ADAMTSL1: variants seen among roughly 807,000 people sequenced by gnomAD.
ADAMTSL1 encodes the protein ADAMTS like 1.
A neutral mutation model predicts 201.8 loss-of-function variants in ADAMTSL1; 126 were observed. The observed-to-expected ratio is 0.62, with a 90% CI of 0.54 to 0.72. ADAMTSL1 has a LOEUF of 0.72. ADAMTSL1 is among the 30% of genes least tolerant of loss of function. The probability of loss-of-function intolerance (pLI) is 0.00; values close to 1 mark genes in which losing one functional copy is unlikely to be tolerated. For missense variants in ADAMTSL1, 2,679 were observed against 2,277.8 expected (o/e 1.18, Z -3.59); for synonymous variants, 1,121 against 903.4 (o/e 1.24, Z -4.32).
intron 20 of ADAMTSL1, among the ~76,000 whole-genome samples, chr9:18,801,932 A>C (rs1245411976): frequency 6.6e-6 from 1 of 152,184 alleles, no homozygotes. Flanking sequence ...CATAATTAAC[A>C]TACCATAAAA....
intron 2 of ADAMTSL1, among the ~76,000 whole-genome samples, chr9:18,317,149 TCTTA>T (rs1314580555): frequency 2.6e-5 from 4 of 152,096 alleles, no homozygotes; most frequent in African/African-American, 9.7e-5. Context: ...TACCGTATGA[TCTTA>T]CTTATATGTG....
At chr9:18,060,637 C>A (rs1822406742) in intron 1 of ADAMTSL1, among the ~76,000 whole-genome samples, 1 of 152,138 alleles carries the variant, frequency 6.6e-6, no homozygotes, top group Non-Finnish European at 1.5e-5. Flanking sequence ...AAACAATAAA[C>A]ACTTTTATTT....
rs1464611807 is a variant in ADAMTSL1 at position 18,753,397 on chromosome 9, T to C, written c.2106T>C (p.Asn702=). 3.7e-6 allele frequency: 6 copies of C among 1,613,022 alleles called. 1 individual carries two copies. The South Asian group carries it at 4.4e-5, about 12-fold the overall frequency. The stretch of plus-strand genomic sequence containing the variant: ...GCCACCTGCTTTCCAGAGAGATGAA[T>C]GAAACAGTCATCCTGGCTGATGAGC... The part of the protein sequence containing the change: ...FCSHLLSREM[N]ETVILADELC... The change falls in exon 16 of 29, where the codon AAT becomes AAC. Residue 702 remains asparagine, a synonymous_variant. Coordinates refer to ENST00000380548, the MANE Select transcript of ADAMTSL1 (RefSeq NM_001040272.6).
intron 9 of ADAMTSL1, among the ~76,000 whole-genome samples, chr9:18,672,450 A>G (rs1156901022): frequency 1.3e-5 from 2 of 152,222 alleles, no homozygotes; most frequent in African/African-American, 4.8e-5. Context: ...AGCAAAAAGT[A>G]CTCATAATCC....
chr9:18,826,062 A>T, intron 21 of ADAMTSL1: 1 of 616,596 alleles, frequency 1.6e-6, no homozygotes, highest in Non-Finnish European at 2.9e-6. Flanking sequence ...TGAGATGTTT[A>T]TCTTGTATCA....
At chr9:17,931,839 G>A (rs974117386) in intron 1 of ADAMTSL1, among the ~76,000 whole-genome samples, 2 of 152,112 alleles carry the variant, frequency 1.3e-5, no homozygotes, top group African/African-American at 4.8e-5. Context: ...AGACAATGAT[G>A]GAGCTCCCAA....
chr9:18,599,587 A>G (rs1434946398), intron 4 of ADAMTSL1, among the ~76,000 whole-genome samples: 1 of 152,108 alleles, frequency 6.6e-6, no homozygotes, highest in Non-Finnish European at 1.5e-5. Flanking sequence ...TTTTCCCAGT[A>G]GTAGTCTCCA....
At chr9:18,766,061 A>T (rs1168505722) in intron 16 of ADAMTSL1, among the ~76,000 whole-genome samples, 1 of 152,088 alleles carries the variant, frequency 6.6e-6, no homozygotes, top group Admixed American at 6.6e-5. Context: ...CAACAAAAAA[A>T]AAGTCTGGCT....
intron 1 of ADAMTSL1, among the ~76,000 whole-genome samples, chr9:17,924,240 G>T (rs1043304159): frequency 1.3e-5 from 2 of 152,054 alleles, no homozygotes; most frequent in Non-Finnish European, 2.9e-5. Flanking sequence ...ATTAGGCTGT[G>T]AATCCATCTG....
chr9:18,176,538 A>T (rs1197079192), intron 2 of ADAMTSL1, among the ~76,000 whole-genome samples: 1 of 152,146 alleles, frequency 6.6e-6, no homozygotes, highest in East Asian at 1.9e-4. Flanking sequence ...TCTTAGAGAG[A>T]GGGTAACATT....
At chr9:18,044,253 G>C (rs1821563232) in intron 1 of ADAMTSL1, among the ~76,000 whole-genome samples, 1 of 151,936 alleles carries the variant, frequency 6.6e-6, no homozygotes, top group South Asian at 2.1e-4. Context: ...GGACTAGGCA[G>C]ATGCAGTGAG....
At chr9:18,713,996 A>G (rs1432897021) in intron 14 of ADAMTSL1, among the ~76,000 whole-genome samples, 2 of 150,032 alleles carry the variant, frequency 1.3e-5, no homozygotes, top group Non-Finnish European at 1.5e-5. Context: ...CTCCTGAATG[A>G]CTACTGGGTA....
chr9:18,398,017 G>A lies in ADAMTSL1; in HGVS notation c.208-106812G>A, dbSNP rs1817821654. On this transcript the variant is annotated intron_variant, in intron 2 of 29. Coordinates refer to the ADAMTSL1 transcript ENST00000680146. Reference sequence around the variant, plus strand: ...ACAGTATTGTCTTGCTCAGGGCAGTGTACATCAAGATGTAATTGTCAGATG... The same window carrying A: ...ACAGTATTGTCTTGCTCAGGGCAGTATACATCAAGATGTAATTGTCAGATG... 3.3e-5 allele frequency among the ~76,000 whole-genome samples: 5 copies of A among 152,176 alleles called. No individual in the cohort carries two copies. The South Asian group carries it at 8.3e-4, about 25-fold the overall frequency.
At chr9:18,089,498 G>A (rs565862765) in intron 1 of ADAMTSL1, among the ~76,000 whole-genome samples, 13 of 152,258 alleles carry the variant, frequency 8.5e-5, no homozygotes, top group South Asian at 8.3e-4. Flanking sequence ...ATAGCATTAG[G>A]AGAAATACCT....
intron 2 of ADAMTSL1, among the ~76,000 whole-genome samples, chr9:18,199,241 C>A (rs1368596911): frequency 4.6e-5 from 7 of 151,776 alleles, no homozygotes; most frequent in Non-Finnish European, 8.8e-5. Context: ...CACATGTACC[C>A]TAAAACTTAA....
intron 2 of ADAMTSL1, among the ~76,000 whole-genome samples, chr9:18,235,152 C>G (rs1046859534): frequency 6.6e-6 from 1 of 152,122 alleles, no homozygotes; most frequent in African/African-American, 2.4e-5. Flanking sequence ...CACATCATGT[C>G]TCCCTAGGCT....
intron 2 of ADAMTSL1, among the ~76,000 whole-genome samples, chr9:18,239,640 C>T (rs533415202): frequency 2.0e-5 from 3 of 152,014 alleles, no homozygotes; most frequent in East Asian, 3.9e-4. Flanking sequence ...CCTAGCTACT[C>T]GGGAGGCTGA....
At chr9:18,175,821 G>T (rs1001118098) in intron 2 of ADAMTSL1, among the ~76,000 whole-genome samples, 7 of 151,980 alleles carry the variant, frequency 4.6e-5, no homozygotes, top group Admixed American at 3.3e-4. Flanking sequence ...TCCTCAGGCT[G>T]CCTGGAAGAC....
chr9:18,532,617 G>C (rs1051318999), intron 2 of ADAMTSL1, among the ~76,000 whole-genome samples: 2 of 151,894 alleles, frequency 1.3e-5, no homozygotes, highest in Admixed American at 6.6e-5. Context: ...ACAAAATTGC[G>C]TAAGTGATGT....
Sources: allele counts gnomAD v4.1 joint callset (sites outside exome capture counted in the v4.1 genomes callset), GRCh38; gene constraint gnomAD v4.1.1; transcripts MANE v1.5; gene names NCBI Gene and HGNC (gene_info 2026-07-23, HGNC 2026-07-21).